The following ZNF91 variants were observed in gnomAD, a reference collection of about 807,000 sequenced individuals.
The protein encoded by ZNF91 is zinc finger protein 91.
ZNF91 carries 7 observed loss-of-function variants against 12.6 expected under a neutral mutation model. That is an observed-to-expected ratio of 0.55 (90% CI 0.31 to 1.04). ZNF91 has a LOEUF of 1.04. Ranked by LOEUF, ZNF91 falls within the 50% of genes least tolerant of loss-of-function variation. ZNF91 has a pLI of 0.05. For missense variants in ZNF91, 1,217 were observed against 1,385.4 expected (o/e 0.88, Z 1.93); for synonymous variants, 453 against 462.6 (o/e 0.98, Z 0.27).
intron 1 of ZNF91, among the ~76,000 whole-genome samples, chr19:23,320,484 T>C (rs1280908379): frequency 1.3e-5 from 2 of 152,208 alleles, no homozygotes; most frequent in Non-Finnish European, 2.9e-5. Context: ...TTTATAATCA[T>C]GGCAGAAGGA....
rs79699937 is a variant in ZNF91, at chr19:23,366,881, T to C, written c.254-4156A>G. On this transcript the variant is annotated intron_variant, in intron 3 of 3. Coordinates refer to ENST00000300619, the MANE Select transcript of ZNF91 (RefSeq NM_003430.4). The stretch of plus-strand genomic sequence containing the variant: ...TAACATCAACATCAATACCATATTA[T>C]AGACCAACTAGGTTTAACAGACATG... 9.6e-3 allele frequency among the ~76,000 whole-genome samples: 1,460 copies of C among 152,360 alleles called. 12 individuals are homozygous for C. Among genetic ancestry groups the C allele is most frequent in the East Asian group, 0.027 (140 of 5,188 alleles).
chr19:23,372,523 C>A (rs1266756843), intron 3 of ZNF91, among the ~76,000 whole-genome samples: 2 of 151,910 alleles, frequency 1.3e-5, no homozygotes, highest in African/African-American at 4.8e-5. Flanking sequence ...AGAAGGCAAG[C>A]CTCATTCAGG....
chr19:23,385,495 CA>C (rs1472893598), intron 1 of ZNF91, among the ~76,000 whole-genome samples: 1 of 151,948 alleles, frequency 6.6e-6, no homozygotes, highest in Non-Finnish European at 1.5e-5. Context: ...CCTGTCTTGG[CA>C]AAACGAGGAA....
At chr19:23,352,552 C>T (rs557533976) in intron 3 of ZNF91, among the ~76,000 whole-genome samples, 126 of 152,206 alleles carry the variant, frequency 8.3e-4, no homozygotes, top group African/African-American at 2.9e-3. Flanking sequence ...AGAAACCACA[C>T]AAAACACCAA....
upstream of ZNF91, among the ~76,000 whole-genome samples, chr19:23,313,482 G>T (rs1967503516): frequency 6.6e-6 from 1 of 152,194 alleles, no homozygotes. Context: ...GGGCCCGGAA[G>T]CCAGGTGATG....
intron 3 of ZNF91, among the ~76,000 whole-genome samples, chr19:23,366,939 T>C (rs296083): frequency 0.34 from 51,209 of 152,114 alleles, 9,866 homozygotes; most frequent in African/African-American, 0.54. Flanking sequence ...CAAGGGAATA[T>C]GCAATATTTT....
chr19:23,327,249 CAT>C (rs1967854081), intron 1 of ZNF91: 1 of 152,208 alleles, frequency 6.6e-6, no homozygotes, highest in Non-Finnish European at 1.5e-5. Context: ...TAAAAAGAAT[CAT>C]GTGTACTGTT....
chr19:23,338,952 T>G (rs2145879423), exon 4 of ZNF91: 1 of 151,518 alleles, frequency 6.6e-6, no homozygotes, highest in East Asian at 1.9e-4. Flanking sequence ...CTCAGGAGGC[T>G]GAGACAGGAG....
intron 1 of ZNF91, among the ~76,000 whole-genome samples, chr19:23,323,037 CTT>C (rs150258370): frequency 4.8e-5 from 4 of 84,196 alleles, no homozygotes; most frequent in East Asian, 4.8e-4. Context: ...GTCCTTTCTC[CTT>C]TTTGTTTCCT....
At chr19:23,388,866 C>T (rs35477544) in intron 1 of ZNF91, among the ~76,000 whole-genome samples, 28,569 of 151,626 alleles carry the variant, frequency 0.19, 2,898 homozygotes, top group Non-Finnish European at 0.21. Flanking sequence ...AGAGTGAAAC[C>T]ATCTTTTAAA....
chr19:23,351,789 A>C (rs1968373586), intron 3 of ZNF91, among the ~76,000 whole-genome samples: 1 of 152,148 alleles, frequency 6.6e-6, no homozygotes, highest in Non-Finnish European at 1.5e-5. Flanking sequence ...AGACACCCTA[A>C]ATACTGTGAG....
rs1191663944 is a variant in ZNF91 at position 23,374,763 on chromosome 19, C to T, written c.32G>A (p.Gly11Glu). 1.2e-6 allele frequency: 2 copies of T among 1,609,988 alleles called. No individual in the cohort carries two copies. Among genetic ancestry groups the T allele is most frequent in the South Asian group, 1.1e-5 (1 of 90,978 alleles). The change falls in exon 2 of 4, where the codon GGA (glycine) becomes GAA (glutamate). Residue 11 changes from glycine (G) to glutamate (E), a missense_variant and splice_region_variant. Coordinates refer to ENST00000300619, the MANE Select transcript of ZNF91 (RefSeq NM_003430.4). MPGTPGSLEM[G>E]LLTFRDVAIE... ...GGCCACATCCCTAAATGTCAACAGT[C>T]CCTGAAAAACACACACAAACACACA...
chr19:23,335,244 T>A (rs1967984455), downstream of ZNF91, among the ~76,000 whole-genome samples: 3 of 152,326 alleles, frequency 2.0e-5, no homozygotes, highest in South Asian at 4.1e-4. Flanking sequence ...TACAGGGAGT[T>A]GTCTCCCAGT....
chr19:23,359,322 A>C lies in ZNF91; in HGVS notation c.*81T>G, dbSNP rs1968603853. The C allele has an allele frequency of 1.7e-6, 1 of 573,234 alleles. No homozygotes were observed. Among genetic ancestry groups the C allele is most frequent in the South Asian group, 2.1e-5 (1 of 48,538 alleles). 35.5% of individuals were successfully genotyped at this position (573,234 alleles called of 1,614,324 possible). ...ACTGCAAGCTCCGCCTCCCGGGTTC[A>C]CGCCATTCTCCTGCCTCAGCCTCTC... is the stretch of plus-strand genomic sequence containing the variant. On this transcript the variant is annotated 3_prime_UTR_variant, in exon 4 of 4. Transcript: ENST00000300619.
At position 23,324,593 on chromosome 19, in the gene ZNF91, A is replaced by G. The variant is rs147790341; in HGVS notation, n.117-15496T>C. On this transcript the variant is annotated intron_variant and non_coding_transcript_variant, in intron 1 of 1. Transcript: ENST00000596528. ...CATATATATATACACATATATATTT[A>G]TAGATATATTCTATGAGAAATAATC... is the stretch of plus-strand genomic sequence containing the variant. 1.5e-3 allele frequency: 233 copies of G among 151,172 alleles called. 2 individuals are homozygous for G. The highest frequency in any genetic ancestry group is 5.3e-3 in the African/African-American group (221 of 41,366). The allele number at this position is 151,172 out of a possible 1,614,324, so 9.4% of individuals were successfully genotyped here.
intron 1 of ZNF91, chr19:23,324,273 C>T (rs1308342525): frequency 2.0e-5 from 3 of 151,372 alleles, no homozygotes. Flanking sequence ...TTCCTCTCTT[C>T]TTACTATCTT....
chr19:23,372,468 G>A (rs1285400011), intron 3 of ZNF91, among the ~76,000 whole-genome samples: 1 of 152,184 alleles, frequency 6.6e-6, no homozygotes, highest in Non-Finnish European at 1.5e-5. Context: ...CAGGATGGGA[G>A]TTATGAAACT....
chr19:23,356,582 C>A (rs771537074), downstream of ZNF91, among the ~76,000 whole-genome samples: 1 of 151,838 alleles, frequency 6.6e-6, no homozygotes, highest in South Asian at 2.1e-4. Flanking sequence ...TGGGTACTTG[C>A]GGGGAAGAGT....
In ZNF91 at chr19:23,362,319, A is replaced by G. The variant is rs754074257; in HGVS notation, c.660T>C (p.His220=). ...TATGATTAGTAAGGGTTGAGGACCA[A>G]TGAAAGGTTTTTTCACATTCTTTAC... The part of the protein sequence containing the change: ...CKCKECEKTF[H]WSSTLTNHKE... Residue 220 remains histidine (H), a synonymous_variant, in exon 4 of 4, where the codon CAT becomes CAC. Coordinates refer to ENST00000300619, the MANE Select transcript of ZNF91 (RefSeq NM_003430.4). 9.9e-6 allele frequency: 16 copies of G among 1,613,436 alleles called. No homozygotes were observed. The highest frequency in any genetic ancestry group is 1.3e-5 in the African/African-American group (1 of 74,882).
Sources: allele counts gnomAD v4.1 joint callset (sites outside exome capture counted in the v4.1 genomes callset), GRCh38; gene constraint gnomAD v4.1.1; transcripts MANE v1.5; gene names NCBI Gene and HGNC (gene_info 2026-07-23, HGNC 2026-07-21).